The following TYR variants were observed in gnomAD, a reference collection of about 807,000 sequenced individuals.
TYR encodes the protein tyrosinase.
TYR carries 58 observed loss-of-function variants against 51.5 expected under a neutral mutation model. That is an observed-to-expected ratio of 1.13 (90% CI 0.91 to 1.40). The LOEUF is 1.40. Ranked by LOEUF, TYR falls within the 40% of genes most tolerant of loss-of-function variation. The pLI, the probability that TYR is intolerant of heterozygous loss-of-function variation, is 0.00. For synonymous variants in TYR, 263 were observed against 235.2 expected (o/e 1.12, Z -1.08); for missense variants, 732 against 647.4 (o/e 1.13, Z -1.42).
At chr11:89,199,228 C>T (rs1410835033) in intron 2 of TYR, among the ~76,000 whole-genome samples, 2 of 152,002 alleles carry the variant, frequency 1.3e-5, no homozygotes, top group African/African-American at 4.8e-5. Context: ...CATATGTGTG[C>T]GTCTTTATAG....
At chr11:89,182,346 C>T (rs1317299708) in intron 1 of TYR, among the ~76,000 whole-genome samples, 3 of 152,126 alleles carry the variant, frequency 2.0e-5, no homozygotes, top group African/African-American at 7.2e-5. Flanking sequence ...GGACCATTCA[C>T]TGCAGTTTTT....
At chr11:89,205,234 G>GA (rs1376052099) in intron 2 of TYR, among the ~76,000 whole-genome samples, 5 of 151,468 alleles carry the variant, frequency 3.3e-5, no homozygotes, top group Non-Finnish European at 5.9e-5. Context: ...AAACACACTG[G>GA]AAAAAAAATT....
At chr11:89,282,442 C>T (rs576425228) in intron 3 of TYR, among the ~76,000 whole-genome samples, 32 of 151,722 alleles carry the variant, frequency 2.1e-4, no homozygotes, top group Non-Finnish European at 3.4e-4. Context: ...ATGTGATTTC[C>T]TTTTTTGGTA....
chr11:89,269,580 G>A (rs2135313643), intron 3 of TYR, among the ~76,000 whole-genome samples: 1 of 151,984 alleles, frequency 6.6e-6, no homozygotes, highest in Admixed American at 6.6e-5. Flanking sequence ...ATTAGTTTAA[G>A]TATTTTAATC....
Position 89,178,411 on chromosome 11 carries a change from T to C in TYR, c.458T>C (p.Ile153Thr), listed in dbSNP as rs781160747. 1.9e-6 allele frequency: 3 copies of C among 1,614,192 alleles called. No individual in the cohort carries two copies. Among genetic ancestry groups the C allele is most frequent in the South Asian group, 1.1e-5 (1 of 91,084 alleles). Residue 153 changes from isoleucine (I) to threonine (T), a missense_variant, in exon 1 of 5, where the codon ATA becomes ACA. Transcript: ENST00000263321. ...HTISSDYVIPIGTYGQMKNGS... is the reference protein window; with the variant it reads ...HTISSDYVIPTGTYGQMKNGS... ...ATCAGCTCAGACTATGTCATCCCCA[T>C]AGGGACCTATGGCCAAATGAAAAAT...
intron 3 of TYR, among the ~76,000 whole-genome samples, chr11:89,269,681 A>C (rs1242666739): frequency 6.6e-6 from 1 of 151,930 alleles, no homozygotes; most frequent in Non-Finnish European, 1.5e-5. Context: ...TTAAAATTGT[A>C]GTTAATTGAG....
In TYR at chr11:89,186,726, T is replaced by C. The variant is rs544924688; in HGVS notation, c.820-4476T>C. 8.9e-4 allele frequency among the ~76,000 whole-genome samples: 135 copies of C among 152,236 alleles called. 2 individuals carry two copies. Among genetic ancestry groups the C allele is most frequent in the Non-Finnish European group, 4.4e-5 (3 of 68,014 alleles). ...AGCCAGTATTATGGACTGAATTGTG[T>C]CTCCCAAAAATGTGTGTGTTGAATC... On this transcript the variant is annotated intron_variant, in intron 1 of 4. Transcript: ENST00000263321.
intron 3 of TYR, among the ~76,000 whole-genome samples, chr11:89,277,911 G>T (rs1435231057): frequency 6.6e-6 from 1 of 151,500 alleles, no homozygotes; most frequent in East Asian, 2.0e-4. Flanking sequence ...ATGATAATCT[G>T]TTCGTGTTAT....
intron 3 of TYR, chr11:89,283,689 CTA>C (rs1944746081): frequency 6.6e-6 from 1 of 151,912 alleles, no homozygotes; most frequent in Admixed American, 6.6e-5. Context: ...GTTCTTTCTT[CTA>C]TGTCATATGA....
intron 2 of TYR, among the ~76,000 whole-genome samples, chr11:89,213,245 G>A (rs1943786058): frequency 6.6e-6 from 1 of 152,052 alleles, no homozygotes; most frequent in Non-Finnish European, 1.5e-5. Context: ...AAAGTCTCAG[G>A]ATACAAAATC....
rs925958532 is a variant in TYR at position 89,236,605 on chromosome 11, A to G, written c.1184+8635A>G. ...CTAGAGAACTGTGGGTTACCACAGA[A>G]TATTGTGTGGCATCTGAGCCATCCT... On this transcript the variant is annotated intron_variant, in intron 3 of 4. Coordinates refer to ENST00000263321, the MANE Select transcript of TYR (RefSeq NM_000372.5). 2.6e-5 allele frequency among the ~76,000 whole-genome samples: 4 copies of G among 152,204 alleles called. No individual in the cohort carries two copies. The South Asian group carries it at 6.2e-4, about 24-fold the overall frequency.
rs931262152 is a variant in TYR, at chr11:89,178,151, G to A, written c.198G>A (p.Gly66=). The change falls in exon 1 of 5, where the codon GGG becomes GGA. Residue 66 remains glycine (G), a synonymous_variant. Coordinates refer to ENST00000263321, the MANE Select transcript of TYR (RefSeq NM_000372.5). Reference sequence around the variant, plus strand: ...TCCTTCTGTCCAATGCACCACTTGGGCCTCAATTTCCCTTCACAGGGGTGG... The same window carrying A: ...TCCTTCTGTCCAATGCACCACTTGGACCTCAATTTCCCTTCACAGGGGTGG... ...QNILLSNAPL[G]PQFPFTGVDD... 1.9e-6 allele frequency: 3 copies of A among 1,614,062 alleles called. No homozygotes were observed. The highest frequency in any genetic ancestry group is 1.3e-5 in the African/African-American group (1 of 74,936).
chr11:89,187,602 A>C (rs763630435), intron 1 of TYR, among the ~76,000 whole-genome samples: 4 of 152,140 alleles, frequency 2.6e-5, no homozygotes, highest in Non-Finnish European at 4.4e-5. Flanking sequence ...CTAAGATTTA[A>C]GCTTTAAATC....
intron 3 of TYR, among the ~76,000 whole-genome samples, chr11:89,271,455 C>T (rs190744552): frequency 1.7e-3 from 251 of 151,982 alleles, no homozygotes; most frequent in African/African-American, 5.7e-3. Context: ...ATAAAATGTA[C>T]ATACCTTATG....
At chr11:89,188,227 T>C (rs1943401414) in intron 1 of TYR, among the ~76,000 whole-genome samples, 1 of 151,868 alleles carries the variant, frequency 6.6e-6, no homozygotes, top group Admixed American at 6.6e-5. Context: ...GGCAATATGG[T>C]ATAGACATTA....
intron 3 of TYR, among the ~76,000 whole-genome samples, chr11:89,268,770 C>G (rs1393896986): frequency 6.6e-6 from 1 of 151,866 alleles, no homozygotes; most frequent in Non-Finnish European, 1.5e-5. Context: ...CACAGTGTGA[C>G]CCACCTCCAC....
intron 3 of TYR, among the ~76,000 whole-genome samples, chr11:89,229,552 A>G (rs2135283142): frequency 6.9e-6 from 1 of 144,510 alleles, no homozygotes; most frequent in South Asian, 2.2e-4. Context: ...CACAATTAGC[A>G]ATTAGGCAAA....
chr11:89,221,914 G>A (rs1447612038), intron 2 of TYR, among the ~76,000 whole-genome samples: 1 of 152,176 alleles, frequency 6.6e-6, no homozygotes, highest in Non-Finnish European at 1.5e-5. Flanking sequence ...TAGCAGGTAT[G>A]ATTAAAGTGC....
intron 2 of TYR, among the ~76,000 whole-genome samples, chr11:89,209,628 G>C (rs1185971114): frequency 3.3e-5 from 5 of 152,104 alleles, no homozygotes; most frequent in Admixed American, 3.3e-4. Context: ...CACAGCGTTC[G>C]AGCTCCGATA....
Sources: allele counts gnomAD v4.1 joint callset (sites outside exome capture counted in the v4.1 genomes callset), GRCh38; gene constraint gnomAD v4.1.1; transcripts MANE v1.5; gene names NCBI Gene and HGNC (gene_info 2026-07-23, HGNC 2026-07-21).